GPR158: variants seen among roughly 807,000 people sequenced by gnomAD.
GPR158 encodes metabotropic glycine receptor.
A neutral mutation model predicts 78.2 loss-of-function variants in GPR158; 30 were observed. That is an observed-to-expected ratio of 0.38 (90% CI 0.29 to 0.52). The LOEUF is 0.52. Among genes scored for constraint, GPR158 ranks in the 20% least tolerant of loss-of-function variants. The pLI is 0.83. For missense variants in GPR158, 1,463 were observed against 1,523.5 expected (o/e 0.96, Z 0.66); for synonymous variants, 581 against 591.1 (o/e 0.98, Z 0.25).
chr10:25,435,263 A>G (rs144879208), intron 4 of GPR158, among the ~76,000 whole-genome samples: 1,639 of 152,276 alleles, frequency 0.011, 8 homozygotes, highest in Non-Finnish European at 0.016. Flanking sequence ...ATAAATTAAT[A>G]TAAATAATGC....
intron 2 of GPR158, among the ~76,000 whole-genome samples, chr10:25,372,671 A>G (rs1389324965): frequency 7.7e-6 from 1 of 129,680 alleles, no homozygotes; most frequent in Non-Finnish European, 1.6e-5. Flanking sequence ...GAACACATGG[A>G]CACAGGAAGG....
intron 4 of GPR158, among the ~76,000 whole-genome samples, chr10:25,454,676 C>T (rs73608299): frequency 0.016 from 2,456 of 152,202 alleles, 72 homozygotes; most frequent in African/African-American, 0.056. Context: ...CTGTCTGCCT[C>T]GCCCATTTTT....
chr10:25,272,173 A>G (rs771477000), intron 2 of GPR158, among the ~76,000 whole-genome samples: 5 of 152,188 alleles, frequency 3.3e-5, no homozygotes, highest in South Asian at 2.1e-4. Flanking sequence ...ACTTAGTCCA[A>G]TGGTATTAAT....
chr10:25,323,083 G>GA lies in GPR158; in HGVS notation c.1009-72827dup, dbSNP rs1466971910. Among the ~76,000 whole-genome samples the GA allele has an allele frequency of 2.0e-5, 3 of 152,208 alleles. No individual in the cohort carries two copies. In the East Asian group the frequency reaches 5.8e-4, roughly 29 times the overall value. ...GATGGTCTCGATCTCCTGACCTTGT[G>GA]ATCTGCCTGCCTCGTCCTCCCAAAG... On this transcript the variant is annotated intron_variant, in intron 2 of 10. Coordinates refer to ENST00000376351, the MANE Select transcript of GPR158 (RefSeq NM_020752.3).
At chr10:25,217,835 G>T (rs1464855635) in intron 1 of GPR158, among the ~76,000 whole-genome samples, 1 of 152,050 alleles carries the variant, frequency 6.6e-6, no homozygotes. Context: ...AGGTGTTTAG[G>T]GGATCCGATT....
At chr10:25,536,792 C>T (rs1836506902) in intron 5 of GPR158, among the ~76,000 whole-genome samples, 1 of 152,132 alleles carries the variant, frequency 6.6e-6, no homozygotes, top group Non-Finnish European at 1.5e-5. Context: ...CTGGGTTTTG[C>T]CCAGTTCAGC....
At chr10:25,444,730 C>T (rs1835117833) in intron 4 of GPR158, among the ~76,000 whole-genome samples, 1 of 152,004 alleles carries the variant, frequency 6.6e-6, no homozygotes, top group African/African-American at 2.4e-5. Flanking sequence ...CTACTTGCTT[C>T]TAATCTTAAG....
chr10:25,456,593 A>G (rs1314565780), intron 4 of GPR158, among the ~76,000 whole-genome samples: 2 of 152,202 alleles, frequency 1.3e-5, no homozygotes. Context: ...GTTACCTTGC[A>G]GAACACAGTT....
chr10:25,254,825 C>A (rs1016428709), intron 2 of GPR158, among the ~76,000 whole-genome samples: 1 of 152,120 alleles, frequency 6.6e-6, no homozygotes, highest in Non-Finnish European at 1.5e-5. Flanking sequence ...AGCAAATTAA[C>A]TTTCTCACCT....
intron 5 of GPR158, among the ~76,000 whole-genome samples, chr10:25,481,996 CTG>C (rs1835668744): frequency 6.6e-6 from 1 of 152,218 alleles, no homozygotes; most frequent in Admixed American, 6.5e-5. Flanking sequence ...GATTTTCAGG[CTG>C]TGTTATAATC....
At position 25,218,097 on chromosome 10, in the gene GPR158, T is replaced by C. The variant is rs1294544250; in HGVS notation, c.903-2955T>C. ...GTCCCTTTCAGCGGCAGGATGCTCT[T>C]CCCCACAAAGAGAGGGTTTTCTTTC... is the stretch of plus-strand genomic sequence containing the variant. On this transcript the variant is annotated intron_variant, in intron 1 of 10. Coordinates refer to ENST00000376351, the MANE Select transcript of GPR158 (RefSeq NM_020752.3). 2.0e-5 allele frequency among the ~76,000 whole-genome samples: 3 copies of C among 152,172 alleles called. No homozygotes were observed. In the East Asian group the frequency reaches 5.8e-4, roughly 30 times the overall value.
chr10:25,330,712 G>A (rs1218096523), intron 2 of GPR158, among the ~76,000 whole-genome samples: 3 of 152,046 alleles, frequency 2.0e-5, no homozygotes. Context: ...ATGTTAAGTT[G>A]TTGAAATTTG....
chr10:25,571,827 ACT>A (rs1181781875), intron 6 of GPR158, among the ~76,000 whole-genome samples: 1 of 151,590 alleles, frequency 6.6e-6, no homozygotes, highest in Non-Finnish European at 1.5e-5. Context: ...TACAGAAAAA[ACT>A]CTTAGTTTTT....
At chr10:25,370,263 G>T (rs1007587771) in intron 2 of GPR158, among the ~76,000 whole-genome samples, 6 of 147,380 alleles carry the variant, frequency 4.1e-5, no homozygotes, top group African/African-American at 1.3e-4. Flanking sequence ...TGATGTTAGG[G>T]TGTCAATTAT....
chr10:25,368,910 G>T (rs1389093910), intron 2 of GPR158, among the ~76,000 whole-genome samples: 1 of 148,388 alleles, frequency 6.7e-6, no homozygotes. Context: ...GGATTCCTAG[G>T]TATTTTATTC....
intron 5 of GPR158, among the ~76,000 whole-genome samples, chr10:25,540,650 G>C (rs1000381283): frequency 6.6e-6 from 1 of 151,872 alleles, no homozygotes; most frequent in African/African-American, 2.4e-5. Context: ...TAGGGACATG[G>C]ATGAAGCTGG....
intron 4 of GPR158, among the ~76,000 whole-genome samples, chr10:25,465,859 T>G (rs115216096): frequency 0.018 from 2,707 of 152,272 alleles, 85 homozygotes; most frequent in African/African-American, 0.062. Flanking sequence ...TTTCGTGGAT[T>G]GAAAGTGAGG....
At chr10:25,586,203 T>C (rs1837263376) in intron 7 of GPR158, among the ~76,000 whole-genome samples, 1 of 152,104 alleles carries the variant, frequency 6.6e-6, no homozygotes, top group South Asian at 2.1e-4. Context: ...CACAGAAGGC[T>C]GACCCGAAGG....
chr10:25,218,273 C>T (rs1853247680), intron 1 of GPR158, among the ~76,000 whole-genome samples: 2 of 152,190 alleles, frequency 1.3e-5, no homozygotes, highest in East Asian at 1.9e-4. Flanking sequence ...TTATATTCCA[C>T]GGTTTTGCAC....
Sources: gnomAD v4.1 joint callset for allele counts (sites outside exome capture counted in the v4.1 genomes callset) on GRCh38, gnomAD v4.1.1 for gene constraint, MANE v1.5 for transcripts, NCBI Gene and HGNC (gene_info 2026-07-23, HGNC 2026-07-21) for gene names.